EFEMP1: variants seen among roughly 807,000 people sequenced by gnomAD.
EFEMP1 encodes the protein EGF-containing fibulin-like extracellular matrix protein 1.
EFEMP1 carries 18 observed loss-of-function variants against 65.7 expected under a neutral mutation model. That is an observed-to-expected ratio of 0.27 (90% CI 0.19 to 0.41). The LOEUF is 0.41. Among genes scored for constraint, EFEMP1 ranks in the 10% least tolerant of loss-of-function variants. The pLI is 1.00. For synonymous variants in EFEMP1, 237 were observed against 219.7 expected (o/e 1.08, Z -0.70); for missense variants, 469 against 624.8 (o/e 0.75, Z 2.66).
chr2:55,922,363 G>A lies in EFEMP1; in HGVS notation c.78C>T (p.Tyr26=), dbSNP rs1290369338. The A allele has an allele frequency of 1.2e-6, 2 of 1,613,660 alleles. No homozygotes were observed. Among genetic ancestry groups the A allele is most frequent in the Non-Finnish European group, 1.7e-6 (2 of 1,179,652 alleles). ...KSQDTEETIT[Y]TQCTDGYEWD... ...TTCAAATTCCATCACCCCTTACCGT[G>A]TACGTGATGGTTTCTTCGGTGTCCT... is the stretch of plus-strand genomic sequence containing the variant. The change falls in exon 3 of 12, where the codon TAC becomes TAT. Residue 26 remains tyrosine (Y), a synonymous_variant. Coordinates refer to ENST00000355426, the MANE Select transcript of EFEMP1 (RefSeq NM_001039348.3). The surrounding 1 kb of genome is among the most constrained non-coding windows in gnomAD (Gnocchi z 5.5).
intron 5 of EFEMP1, among the ~76,000 whole-genome samples, chr2:55,914,454 G>T (rs1670600726): frequency 1.3e-5 from 2 of 152,066 alleles, no homozygotes; most frequent in Admixed American, 1.3e-4. Context: ...CAGTTAAATG[G>T]ACAGCTATTT....
At chr2:55,891,885 C>T (rs928622471) in intron 5 of EFEMP1, among the ~76,000 whole-genome samples, 7 of 152,072 alleles carry the variant, frequency 4.6e-5, no homozygotes, top group Admixed American at 1.3e-4. Context: ...TGGTTTTGTT[C>T]CAAATTGATA....
rs756065296 is a variant in EFEMP1 at position 55,917,764 on chromosome 2, G to T, written c.418C>A (p.Arg140=). 3.7e-6 allele frequency: 6 copies of T among 1,614,162 alleles called. No individual in the cohort carries two copies. The highest frequency in any genetic ancestry group is 5.1e-6 in the Non-Finnish European group (6 of 1,180,024). The change falls in exon 5 of 12, where the codon CGG becomes AGG. Residue 140 remains arginine, a synonymous_variant. Transcript: ENST00000355426. The surrounding 1 kb of genome is among the most constrained non-coding windows in gnomAD (Gnocchi z 6.3). ...CGCTGAGGGTCAGCTGGGTTCCGCC[G>T]GATGACAAAGTTATTTCGGCCAGTC... The part of the protein sequence containing the change: ...MQTGRNNFVI[R]RNPADPQRIP...
intron 5 of EFEMP1, among the ~76,000 whole-genome samples, chr2:55,900,820 T>C (rs977498025): frequency 6.6e-6 from 1 of 152,196 alleles, no homozygotes; most frequent in Admixed American, 6.5e-5. Context: ...TTTTTAGTCA[T>C]ATATCTTTCC....
At chr2:55,872,101 T>C (rs928111412) in intron 9 of EFEMP1, among the ~76,000 whole-genome samples, 4 of 152,108 alleles carry the variant, frequency 2.6e-5, no homozygotes, top group African/African-American at 9.7e-5. Context: ...AAAAATAAAA[T>C]TAATATCTAC....
In EFEMP1 at chr2:55,923,322, C is replaced by A. The variant is rs1447676587; in HGVS notation, c.-48-383G>T. Among the ~76,000 whole-genome samples, 1 of 152,184 alleles carries A rather than the reference C, an allele frequency of 6.6e-6. No individual in the cohort carries two copies. On this transcript the variant is annotated intron_variant, in intron 1 of 11. Coordinates refer to ENST00000355426, the MANE Select transcript of EFEMP1 (RefSeq NM_001039348.3). This position sits in a 1 kb window ranked among gnomAD's most constrained non-coding sequence, Gnocchi z 5.3. Reference sequence around the variant, plus strand: ...CCGGCAGGGAGATGAGGTCCCCTTTCTTAACAGCAAGCTAACGCGGCGGTC... The same window carrying A: ...CCGGCAGGGAGATGAGGTCCCCTTTATTAACAGCAAGCTAACGCGGCGGTC...
At chr2:55,897,487 G>A (rs1256630717) in intron 5 of EFEMP1, among the ~76,000 whole-genome samples, 2 of 152,206 alleles carry the variant, frequency 1.3e-5, no homozygotes, top group African/African-American at 4.8e-5. Flanking sequence ...TTAATGAAGT[G>A]TTTCAGAATG....
chr2:55,881,426 C>G (rs756006018), intron 6 of EFEMP1, among the ~76,000 whole-genome samples, 186 bp downstream of exon 6: 27 of 152,146 alleles, frequency 1.8e-4, no homozygotes, highest in Non-Finnish European at 3.8e-4. Flanking sequence ...CTTTGTTATC[C>G]AGAATAGCTC....
chr2:55,904,392 A>ATG (rs1326187206), intron 5 of EFEMP1, among the ~76,000 whole-genome samples: 4 of 152,352 alleles, frequency 2.6e-5, no homozygotes, highest in Non-Finnish European at 5.9e-5. Flanking sequence ...GGTTAATTTT[A>ATG]TGTGTCAACT....
chr2:55,866,952 A>T lies in EFEMP1; in HGVS notation c.*121T>A. Reference sequence around the variant, plus strand: ...ATACCATGGTGTAATTGTTTGAATTATGGGTGAGTGTACAGTATAGAGATG... The same window carrying T: ...ATACCATGGTGTAATTGTTTGAATTTTGGGTGAGTGTACAGTATAGAGATG... On this transcript the variant is annotated 3_prime_UTR_variant, in exon 12 of 12. Transcript: ENST00000355426. 7.9e-7 allele frequency: 1 copy of T among 1,272,418 alleles called. No homozygotes were observed. The highest frequency in any genetic ancestry group is 1.1e-6 in the Non-Finnish European group (1 of 891,212). The allele number at this position is 1,272,418 out of a possible 1,614,324, so 78.8% of individuals were successfully genotyped here. A position where few individuals can be genotyped will look rare whatever the true frequency, so the allele number is the denominator to read the frequency against.
At chr2:55,879,917 T>C (rs1452760664) in intron 6 of EFEMP1, among the ~76,000 whole-genome samples, 3 of 152,186 alleles carry the variant, frequency 2.0e-5, no homozygotes, top group Non-Finnish European at 4.4e-5. Flanking sequence ...TGAGAAGTAC[T>C]GGCACAGGGG....
intron 5 of EFEMP1, among the ~76,000 whole-genome samples, chr2:55,889,959 G>C (rs1335023960): frequency 6.6e-6 from 1 of 151,900 alleles, no homozygotes; most frequent in East Asian, 1.9e-4. Flanking sequence ...CAAATAGAAT[G>C]GTAGGTAGTT....
In EFEMP1 at chr2:55,917,884, C is replaced by T. The variant is rs150201810; in HGVS notation, c.298G>A (p.Gly100Arg). ...PAEGTSGATT[G>R]VVAASSMATS... ...GCCATGCTGCTGGCAGCTACAACCC[C>T]GGTGGTTGCCCCTGAGGTTCCTTCT... Residue 100 changes from glycine to arginine, a missense_variant, in exon 5 of 12, where the codon GGG becomes AGG. By Grantham distance (125) the Gly-to-Arg change is moderately radical. Coordinates refer to ENST00000355426, the MANE Select transcript of EFEMP1 (RefSeq NM_001039348.3). This position sits in a 1 kb window ranked among gnomAD's most constrained non-coding sequence, Gnocchi z 6.3. The T allele has an allele frequency of 9.9e-6, 16 of 1,614,110 alleles. No individual in the cohort carries two copies. Among genetic ancestry groups the T allele is most frequent in the African/African-American group, 8.0e-5 (6 of 74,932 alleles).
chr2:55,921,999 T>G lies in EFEMP1; in HGVS notation c.81+361A>C. The G allele has an allele frequency of 3.0e-6, 1 of 329,078 alleles. No homozygotes were observed. Among genetic ancestry groups the G allele is most frequent in the Non-Finnish European group, 5.9e-6 (1 of 168,626 alleles). The allele number at this position is 329,078 out of a possible 1,614,324, so 20.4% of individuals were successfully genotyped here. On this transcript the variant is annotated intron_variant, in intron 3 of 11. Transcript: ENST00000355426. The surrounding 1 kb of genome is among the most constrained non-coding windows in gnomAD (Gnocchi z 4.1). Reference sequence around the variant, plus strand: ...TGACTTGAGTCTTATTCTGCACGTATTGGTTTTATCTGCATGTGGTAGGAG... The same window carrying G: ...TGACTTGAGTCTTATTCTGCACGTAGTGGTTTTATCTGCATGTGGTAGGAG...
At chr2:55,901,995 C>G (rs1407802659) in intron 5 of EFEMP1, among the ~76,000 whole-genome samples, 1 of 152,182 alleles carries the variant, frequency 6.6e-6, no homozygotes, top group Non-Finnish European at 1.5e-5. Context: ...ATCCTGCCAG[C>G]AACCACTAGT....
chr2:55,889,820 A>T (rs1018297895), intron 5 of EFEMP1, among the ~76,000 whole-genome samples: 1 of 111,164 alleles, frequency 9.0e-6, no homozygotes, highest in Non-Finnish European at 1.8e-5. Flanking sequence ...CAATAAAGGA[A>T]TGGTAAAAAA....
Position 55,917,692 on chromosome 2 carries a change from C to T in EFEMP1, c.490G>A (p.Glu164Lys), listed in dbSNP as rs1202204519. Residue 164 changes from glutamate to lysine, a missense_variant, in exon 5 of 12, where the codon GAG (glutamate) becomes AAG (lysine). This residue lies in a region of EFEMP1 where 399 missense variants were observed against 528.2 expected (regional missense o/e 0.76). Coordinates refer to ENST00000355426, the MANE Select transcript of EFEMP1 (RefSeq NM_001039348.3). The surrounding 1 kb of genome is among the most constrained non-coding windows in gnomAD (Gnocchi z 6.3). ...SHRIQCAAGY[E>K]QSEHNVCQDI... ...TGGCACACGTTGTGTTCACTTTGCT[C>T]GTAGCCTGCTGCACACTGGATACGG... 9.9e-6 allele frequency: 16 copies of T among 1,614,088 alleles called. No individual in the cohort carries two copies. The highest frequency in any genetic ancestry group is 4.4e-5 in the South Asian group (4 of 91,082).
At chr2:55,874,388 C>G (rs763481481) in intron 9 of EFEMP1, among the ~76,000 whole-genome samples, 1 of 151,634 alleles carries the variant, frequency 6.6e-6, no homozygotes, top group East Asian at 1.9e-4. Flanking sequence ...CTTCCACTTA[C>G]GTATAGGTGT....
Position 55,877,939 on chromosome 2 carries a change from A to T in EFEMP1, c.641-74T>A. 1 of 1,573,264 alleles carries T rather than the reference A, an allele frequency of 6.4e-7. No individual in the cohort carries two copies. The highest frequency in any genetic ancestry group is 8.7e-7 in the Non-Finnish European group (1 of 1,149,058). ...ATTCTCTGAAAAGCATTATCTAGAA[A>T]ACCTATGTAGAGAAAATCTCTTTTT... On this transcript the variant is annotated intron_variant, in intron 6 of 11. Transcript: ENST00000355426. This position sits in a 1 kb window ranked among gnomAD's most constrained non-coding sequence, Gnocchi z 4.5.
Sources: gnomAD v4.1 joint callset for allele counts (sites outside exome capture counted in the v4.1 genomes callset) on GRCh38, gnomAD v4.1.1 for gene constraint, gnomAD v4.1.1 regional missense constraint, Gnocchi (gnomAD v3.1) non-coding constraint, MANE v1.5 for transcripts, NCBI Gene and HGNC (gene_info 2026-07-23, HGNC 2026-07-21) for gene names.